The following GDAP1 variants were observed in gnomAD, a reference collection of about 807,000 sequenced individuals.
The protein encoded by GDAP1 is ganglioside-induced differentiation-associated protein 1.
GDAP1 carries 34 observed loss-of-function variants against 40.1 expected under a neutral mutation model. That is an observed-to-expected ratio of 0.85 (90% confidence interval 0.64 to 1.13). The LOEUF (loss-of-function observed/expected upper bound fraction) is 1.13. Among genes scored for constraint, GDAP1 ranks in the 50% most tolerant of loss-of-function variants. GDAP1 has a pLI of 0.00. For synonymous variants in GDAP1, 170 were observed against 157.4 expected (o/e 1.08, Z -0.60); for missense variants, 374 against 433.7 (o/e 0.86, Z 1.22).
chr8:74,366,498 G>C lies in GDAP1; in HGVS notation c.*2131G>C, dbSNP rs1248932407. On this transcript the variant is annotated 3_prime_UTR_variant, in exon 6 of 6. Transcript: ENST00000220822. ...TACAGTATCACACAATGTCAAGCTA[G>C]AGTTAAACACAGTATTAGCTAAATA... The C allele has an allele frequency of 4.4e-6, 2 of 454,406 alleles. No individual in the cohort carries two copies. The highest frequency in any genetic ancestry group is 4.7e-5 in the Admixed American group (2 of 42,576). The allele number at this position is 454,406 out of a possible 1,614,324, so 28.1% of individuals were successfully genotyped here. A position where few individuals can be genotyped will look rare whatever the true frequency, so the allele number is the denominator to read the frequency against.
intron 2 of GDAP1, among the ~76,000 whole-genome samples, chr8:74,469,470 C>A (rs1405746692): frequency 6.7e-6 from 1 of 150,210 alleles, no homozygotes; most frequent in Non-Finnish European, 1.5e-5. Context: ...AGATGGAGAC[C>A]ATCTTGGCTA....
At position 74,351,378 on chromosome 8, in the gene GDAP1, T is replaced by G. The variant is rs1024736607; in HGVS notation, c.222T>G (p.Thr74=). The G allele has an allele frequency of 6.2e-7, 1 of 1,613,636 alleles. No homozygotes were observed. Among genetic ancestry groups the G allele is most frequent in the African/African-American group, 1.3e-5 (1 of 74,926 alleles). The change falls in exon 2 of 6, where the codon ACT becomes ACG. Residue 74 remains threonine (T), a synonymous_variant. Transcript: ENST00000220822. ...NEPWFMRLNS[T]GEVPVLIHGE... is the part of the protein sequence containing the mutation. ...CTTGGTTTATGCGTTTGAACTCAACTGGAGAAGTGCCTGTCCTTATCCACG... is the reference window on the plus strand; with the variant it reads ...CTTGGTTTATGCGTTTGAACTCAACGGGAGAAGTGCCTGTCCTTATCCACG...
At chr8:74,355,383 A>G (rs9298238) in intron 2 of GDAP1, among the ~76,000 whole-genome samples, 65,610 of 152,086 alleles carry the variant, frequency 0.43, 14,367 homozygotes, top group Middle Eastern at 0.53. Context: ...TTCAAAGATA[A>G]TTTCTTTCTA....
chr8:74,422,275 TTC>T (rs1805869671), intron 2 of GDAP1, among the ~76,000 whole-genome samples: 1 of 146,580 alleles, frequency 6.8e-6, no homozygotes, highest in Admixed American at 6.8e-5. Flanking sequence ...TTCTTTTCTT[TTC>T]TTTTTTCTTT....
chr8:74,466,211 T>C (rs1806467773), intron 2 of GDAP1, among the ~76,000 whole-genome samples: 1 of 152,340 alleles, frequency 6.6e-6, no homozygotes, highest in South Asian at 2.1e-4. Flanking sequence ...CCAAAGGATA[T>C]TGAGTATCTC....
intron 4 of GDAP1, 122 bp from the exon 5 acceptor site, chr8:74,362,817 T>G: frequency 2.2e-6 from 1 of 449,936 alleles, no homozygotes; most frequent in East Asian, 4.2e-5. Context: ...TGAGTTTTTC[T>G]ATTTCTTCTC....
intron 2 of GDAP1, among the ~76,000 whole-genome samples, chr8:74,390,115 TG>T (rs1320961364): frequency 6.6e-6 from 1 of 152,200 alleles, no homozygotes; most frequent in Non-Finnish European, 1.5e-5. Context: ...CTCCTTGCAT[TG>T]GGTTAGAACA....
intron 2 of GDAP1, among the ~76,000 whole-genome samples, chr8:74,461,085 C>A (rs1397763477): frequency 6.6e-6 from 1 of 152,176 alleles, no homozygotes; most frequent in Non-Finnish European, 1.5e-5. Flanking sequence ...ATGCTTTGTC[C>A]CACTTTGGCC....
intron 2 of GDAP1, among the ~76,000 whole-genome samples, chr8:74,401,624 G>T (rs1810342418): frequency 6.7e-6 from 1 of 149,568 alleles, no homozygotes; most frequent in Non-Finnish European, 1.5e-5. Context: ...AGGAGGAGAG[G>T]CGCTCTGCTT....
chr8:74,403,095 A>C (rs1452066056), intron 2 of GDAP1, among the ~76,000 whole-genome samples: 1 of 150,240 alleles, frequency 6.7e-6, no homozygotes, highest in Non-Finnish European at 1.5e-5. Flanking sequence ...AAACAATCTG[A>C]TGTTAAAATA....
At chr8:74,384,811 T>A (rs927589942) in intron 2 of GDAP1, among the ~76,000 whole-genome samples, 30 of 152,222 alleles carry the variant, frequency 2.0e-4, no homozygotes, top group African/African-American at 7.0e-4. Flanking sequence ...TCTTTATGTC[T>A]TGAGTAAAAT....
At chr8:74,357,133 A>C (rs16938889) in intron 2 of GDAP1, among the ~76,000 whole-genome samples, 40,867 of 152,134 alleles carry the variant, frequency 0.27, 6,102 homozygotes, top group Non-Finnish European at 0.34. Flanking sequence ...AGTAAAATAA[A>C]CAGCAAAGGG....
chr8:74,472,903 G>A (rs185226405), intron 2 of GDAP1, among the ~76,000 whole-genome samples: 20 of 151,772 alleles, frequency 1.3e-4, no homozygotes, highest in Admixed American at 1.3e-3. Flanking sequence ...TCGTGCCACC[G>A]CACCTAGCTA....
intron 2 of GDAP1, among the ~76,000 whole-genome samples, chr8:74,386,794 A>T (rs1810032008): frequency 6.6e-6 from 1 of 152,222 alleles, no homozygotes; most frequent in Admixed American, 6.5e-5. Flanking sequence ...CATTTTCACA[A>T]TATTGATTCT....
At position 74,366,607 on chromosome 8, in the gene GDAP1, C is replaced by A. The variant is rs1411831815; in HGVS notation, c.*2240C>A. 4.4e-6 allele frequency: 2 copies of A among 453,662 alleles called. No individual in the cohort carries two copies. Among genetic ancestry groups the A allele is most frequent in the African/African-American group, 4.0e-5 (2 of 49,978 alleles). 28.1% of individuals were successfully genotyped at this position (453,662 alleles called of 1,614,324 possible). On this transcript the variant is annotated 3_prime_UTR_variant, in exon 6 of 6. Transcript: ENST00000220822. ...ATTTCCAAAATTTGTATAAATATCA[C>A]AATTAGAAAAATGCCTGAGGTACTA...
intron 2 of GDAP1, among the ~76,000 whole-genome samples, chr8:74,396,880 A>G (rs1810209411): frequency 6.6e-6 from 1 of 152,182 alleles, no homozygotes; most frequent in South Asian, 2.1e-4. Flanking sequence ...CAGTAATGGG[A>G]TGGCTGGGTC....
At chr8:74,369,054 A>C (rs768708309), downstream of GDAP1, among the ~76,000 whole-genome samples, 2 of 152,204 alleles carry the variant, frequency 1.3e-5, no homozygotes, top group East Asian at 3.9e-4. Flanking sequence ...GCCAAGTCAG[A>C]GGTGCTTGGG....
At chr8:74,475,913 T>A (rs1452928800) in intron 2 of GDAP1, among the ~76,000 whole-genome samples, 1 of 152,132 alleles carries the variant, frequency 6.6e-6, no homozygotes, top group Non-Finnish European at 1.5e-5. Flanking sequence ...TGTGTGGGAG[T>A]CTAAGTCTCT....
At chr8:74,483,770 G>A (rs1200605312) in intron 2 of GDAP1, among the ~76,000 whole-genome samples, 2 of 152,118 alleles carry the variant, frequency 1.3e-5, no homozygotes, top group Non-Finnish European at 2.9e-5. Flanking sequence ...TATTGGAATA[G>A]CTTCTACTTA....
Sources: gnomAD v4.1 joint callset for allele counts (sites outside exome capture counted in the v4.1 genomes callset) on GRCh38, gnomAD v4.1.1 for gene constraint, MANE v1.5 for transcripts, NCBI Gene and HGNC (gene_info 2026-07-23, HGNC 2026-07-21) for gene names.